The following AKR1E2 variants were observed in gnomAD, a reference collection of about 807,000 sequenced individuals.
The protein encoded by AKR1E2 is aldo-keto reductase family 1 member E2, also known as 1,5-anhydro-D-fructose reductase.
A neutral mutation model predicts 41.9 loss-of-function variants in AKR1E2; 43 were observed. The observed-to-expected ratio is 1.03, with a 90% CI of 0.80 to 1.32. AKR1E2 has a LOEUF of 1.32. AKR1E2 is among the 40% of genes most tolerant of loss of function. The probability of loss-of-function intolerance (pLI) is 0.00; values close to 1 mark genes in which losing one functional copy is unlikely to be tolerated. For missense variants in AKR1E2, 423 were observed against 396.5 expected (o/e 1.07, Z -0.57); for synonymous variants, 121 against 138.9 (o/e 0.87, Z 0.91).
intron 8 of AKR1E2, among the ~76,000 whole-genome samples, chr10:4,843,325 C>T (rs1228752404): frequency 6.6e-6 from 1 of 152,132 alleles, no homozygotes; most frequent in South Asian, 2.1e-4. Context: ...GAAGGGATAG[C>T]ATAGTGCCTG....
At chr10:4,837,408 G>C in intron 4 of AKR1E2, 51 bp from the exon 5 acceptor site, 1 of 1,597,510 alleles carries the variant, frequency 6.3e-7, no homozygotes, top group Non-Finnish European at 8.6e-7. Flanking sequence ...GACGTAGATT[G>C]TCAGTGCAGT....
At chr10:4,832,062 G>A (rs963212049) in intron 2 of AKR1E2, among the ~76,000 whole-genome samples, 9 of 151,978 alleles carry the variant, frequency 5.9e-5, no homozygotes, top group African/African-American at 1.9e-4. Context: ...AAGATGCAGA[G>A]TGGACTACGA....
chr10:4,850,527 T>G (rs932055891), downstream of AKR1E2, among the ~76,000 whole-genome samples: 5 of 152,160 alleles, frequency 3.3e-5, no homozygotes, highest in African/African-American at 1.2e-4. Context: ...GCCAACTGTT[T>G]CCCAAAGTGC....
the AKR1E2 span, among the ~76,000 whole-genome samples, chr10:4,863,060 A>G: frequency 6.6e-6 from 1 of 151,852 alleles, no homozygotes; most frequent in Non-Finnish European, 1.5e-5. Context: ...ACGAGACAGA[A>G]AGTTAGCAAG....
At chr10:4,857,097 A>T in the AKR1E2 span, among the ~76,000 whole-genome samples, 1 of 151,982 alleles carries the variant, frequency 6.6e-6, no homozygotes, top group South Asian at 2.1e-4. Flanking sequence ...ATCACACAAT[A>T]TTTGCCTTTT....
Position 4,833,360 on chromosome 10 carries a change from C to T in AKR1E2, c.218C>T (p.Thr73Ile), listed in dbSNP as rs1468469435. ...CCCTCTCCTTTGTAGCTGTGGTGCA[C>T]CTGCCATAAGAAGTCCTTGGTGGAA... ...DLFIATKLWC[T>I]CHKKSLVETA... Residue 73 changes from threonine (T) to isoleucine (I), a missense_variant, in exon 3 of 10, where the codon ACC (threonine) becomes ATC (isoleucine). Thr to Ile is a moderately conservative substitution (Grantham distance 89, BLOSUM62 -1). Transcript: ENST00000298375. The T allele has an allele frequency of 2.5e-5, 40 of 1,613,960 alleles. No individual in the cohort carries two copies. The highest frequency in any genetic ancestry group is 3.2e-5 in the Non-Finnish European group (38 of 1,179,950).
At chr10:4,840,603 C>T (rs1833799986) in intron 6 of AKR1E2, among the ~76,000 whole-genome samples, 1 of 152,214 alleles carries the variant, frequency 6.6e-6, no homozygotes, top group Admixed American at 6.5e-5. Flanking sequence ...CCTCTGGCCT[C>T]ATTCCTTCCC....
chr10:4,844,066 G>A (rs1315513454), intron 8 of AKR1E2, among the ~76,000 whole-genome samples: 1 of 152,200 alleles, frequency 6.6e-6, no homozygotes, highest in East Asian at 1.9e-4. Context: ...TGGGTTCTTG[G>A]TCTCACTGAC....
chr10:4,853,844 G>A, the AKR1E2 span, among the ~76,000 whole-genome samples: 7 of 152,140 alleles, frequency 4.6e-5, no homozygotes, highest in African/African-American at 1.4e-4. Context: ...GATAAAACAG[G>A]TTGCAATAAA....
the AKR1E2 span, among the ~76,000 whole-genome samples, chr10:4,859,092 G>T: frequency 1.3e-5 from 2 of 152,168 alleles, no homozygotes; most frequent in South Asian, 2.1e-4. Context: ...AAATTTCTGG[G>T]ATTACAGATG....
intron 6 of AKR1E2, among the ~76,000 whole-genome samples, chr10:4,840,113 G>A (rs1165127974): frequency 6.6e-6 from 1 of 152,092 alleles, no homozygotes; most frequent in African/African-American, 2.4e-5. Flanking sequence ...CCACCAGGGT[G>A]TCAGCCCCCT....
chr10:4,826,669 G>C (rs1465581762), intron 1 of AKR1E2, among the ~76,000 whole-genome samples: 5 of 152,328 alleles, frequency 3.3e-5, no homozygotes, highest in South Asian at 2.1e-4. Flanking sequence ...CTGTGGAGAG[G>C]CGGAGCCCTT....
At chr10:4,857,195 T>G in the AKR1E2 span, among the ~76,000 whole-genome samples, 2 of 152,210 alleles carry the variant, frequency 1.3e-5, no homozygotes, top group Non-Finnish European at 2.9e-5. Context: ...CCAAAACATC[T>G]TATGTACCCT....
the AKR1E2 span, among the ~76,000 whole-genome samples, chr10:4,870,542 G>T: frequency 6.6e-6 from 1 of 151,858 alleles, no homozygotes; most frequent in South Asian, 2.1e-4. Context: ...TATTTTGAAA[G>T]ATATTTTTGC....
At chr10:4,825,491 C>A (rs1219798055), upstream of AKR1E2, among the ~76,000 whole-genome samples, 2 of 152,124 alleles carry the variant, frequency 1.3e-5, no homozygotes, top group Non-Finnish European at 2.9e-5. Context: ...AACGGGGGCC[C>A]GAGGCTGCAA....
chr10:4,835,814 G>C lies in AKR1E2; in HGVS notation c.459+5G>C. 1 of 1,613,536 alleles carries C rather than the reference G, an allele frequency of 6.2e-7. No homozygotes were observed. The highest frequency in any genetic ancestry group is 8.5e-7 in the Non-Finnish European group (1 of 1,179,906). On this transcript the variant is annotated splice_donor_5th_base_variant and intron_variant, in intron 4 of 9. Transcript: ENST00000298375. Reference sequence around the variant, plus strand: ...GACTTCCTGGACACGTGGGAGGTGAGCTGAGCCACACCACCAGGCAGCCTC... The same window carrying C: ...GACTTCCTGGACACGTGGGAGGTGACCTGAGCCACACCACCAGGCAGCCTC...
the AKR1E2 span, chr10:4,872,058 C>T: frequency 6.6e-6 from 1 of 152,188 alleles, no homozygotes; most frequent in Non-Finnish European, 1.5e-5. Flanking sequence ...ACAAACCCAA[C>T]TAGTTTTATG....
In AKR1E2 at chr10:4,847,466, G is replaced by T. The variant is rs746517255; in HGVS notation, c.921-22G>T. 6.2e-6 allele frequency: 10 copies of T among 1,607,952 alleles called. No individual in the cohort carries two copies. Among genetic ancestry groups the T allele is most frequent in the Admixed American group, 3.4e-5 (2 of 59,290 alleles). On this transcript the variant is annotated intron_variant, in intron 9 of 9. Coordinates refer to ENST00000298375, the MANE Select transcript of AKR1E2 (RefSeq NM_001040177.3). ...ATAATCATTCTTTGTTCCTATTTTT[G>T]ATTTGTTTTTCTGTTTTTCAGAACT...
the AKR1E2 span, among the ~76,000 whole-genome samples, chr10:4,864,640 A>G: frequency 6.6e-6 from 1 of 152,214 alleles, no homozygotes; most frequent in Non-Finnish European, 1.5e-5. Context: ...AATAGAAGGT[A>G]TTCAATTAGG....
Sources: allele counts gnomAD v4.1 joint callset (sites outside exome capture counted in the v4.1 genomes callset), GRCh38; gene constraint gnomAD v4.1.1; transcripts MANE v1.5; gene names NCBI Gene and HGNC (gene_info 2026-07-23, HGNC 2026-07-21).